MYO9B: variants seen among roughly 807,000 people sequenced by gnomAD.
MYO9B encodes myosin IXB.
Under a neutral mutation model 229.5 loss-of-function variants are expected in MYO9B, and 71 were observed. That is an observed-to-expected ratio of 0.31 (90% CI 0.26 to 0.38). MYO9B has a LOEUF of 0.38. Ranked by LOEUF, MYO9B falls within the 10% of genes least tolerant of loss-of-function variation. The pLI, the probability that MYO9B is intolerant of heterozygous loss-of-function variation, is 1.00. For missense variants in MYO9B, 2,255 were observed against 2,920.5 expected (o/e 0.77, Z 5.25); for synonymous variants, 1,185 against 1,235.8 (o/e 0.96, Z 0.86).
chr19:17,203,590 G>T (rs1304095087), intron 30 of MYO9B, among the ~76,000 whole-genome samples: 1 of 148,060 alleles, frequency 6.8e-6, no homozygotes, highest in Non-Finnish European at 1.5e-5. Context: ...CCTAACCTGG[G>T]CAACAGAGCA....
chr19:17,123,684 C>G (rs1397233637), intron 2 of MYO9B, among the ~76,000 whole-genome samples: 5 of 152,052 alleles, frequency 3.3e-5, no homozygotes, highest in African/African-American at 4.8e-5. Flanking sequence ...ACTGGGATTA[C>G]AGGCATGAGC....
intron 10 of MYO9B, among the ~76,000 whole-genome samples, chr19:17,166,463 A>G (rs1208125088): frequency 1.3e-5 from 2 of 151,184 alleles, no homozygotes; most frequent in African/African-American, 4.9e-5. Flanking sequence ...ATTCATATTG[A>G]TTTACTCATA....
At chr19:17,104,055 C>A (rs925689588) in intron 2 of MYO9B, among the ~76,000 whole-genome samples, 66 of 135,946 alleles carry the variant, frequency 4.9e-4, no homozygotes, top group Middle Eastern at 3.9e-3. Flanking sequence ...AACTCCATCT[C>A]AAAAAAAAAA....
chr19:17,113,141 G>A (rs2057865008), intron 2 of MYO9B, among the ~76,000 whole-genome samples: 1 of 152,240 alleles, frequency 6.6e-6, no homozygotes, highest in Non-Finnish European at 1.5e-5. Context: ...TTGTGTCTAT[G>A]TTACATGAAT....
chr19:17,178,026 C>T (rs944693943), intron 14 of MYO9B: 6 of 152,376 alleles, frequency 3.9e-5, no homozygotes, highest in Admixed American at 1.3e-4. Context: ...GCAAGGGCCA[C>T]TCCTGCCAGA....
intron 38 of MYO9B, among the ~76,000 whole-genome samples, chr19:17,211,290 G>T (rs2073225922): frequency 6.6e-6 from 1 of 151,918 alleles, no homozygotes; most frequent in South Asian, 2.1e-4. Flanking sequence ...CTTTATTTCT[G>T]AGACAGGGTC....
At chr19:17,140,692 T>C (rs1179948929) in intron 2 of MYO9B, among the ~76,000 whole-genome samples, 1 of 151,604 alleles carries the variant, frequency 6.6e-6, no homozygotes, top group East Asian at 2.0e-4. Context: ...TTCTCCATAT[T>C]GGTCAGGCTG....
chr19:17,113,787 G>A (rs1213797905), intron 2 of MYO9B, among the ~76,000 whole-genome samples: 1 of 152,166 alleles, frequency 6.6e-6, no homozygotes, highest in Non-Finnish European at 1.5e-5. Context: ...CCCAGAGGAG[G>A]AGATAGGAGC....
At chr19:17,185,634 G>A (rs891814395) in intron 17 of MYO9B, among the ~76,000 whole-genome samples, 11 of 152,116 alleles carry the variant, frequency 7.2e-5, no homozygotes, top group Middle Eastern at 3.4e-3. Flanking sequence ...TCCAGAAAGC[G>A]TTTGTCTGGT....
At chr19:17,164,665 A>C (rs2072639970) in intron 10 of MYO9B, among the ~76,000 whole-genome samples, 1 of 152,204 alleles carries the variant, frequency 6.6e-6, no homozygotes, top group South Asian at 2.1e-4. Context: ...TATAGGCGTG[A>C]GCCACCGCGC....
chr19:17,129,705 G>A (rs1218980287), intron 2 of MYO9B, among the ~76,000 whole-genome samples: 5 of 152,196 alleles, frequency 3.3e-5, no homozygotes, highest in Admixed American at 2.0e-4. Context: ...AGGGAGTCTC[G>A]AATCCCACAG....
chr19:17,139,816 C>T (rs866540380), intron 2 of MYO9B, among the ~76,000 whole-genome samples: 35 of 152,142 alleles, frequency 2.3e-4, no homozygotes, highest in African/African-American at 8.2e-4. Flanking sequence ...CCAAGGCAGG[C>T]GGATCACCTG....
intron 14 of MYO9B, chr19:17,180,661 A>C: frequency 2.9e-6 from 1 of 340,858 alleles, no homozygotes. Context: ...GAAATGATGT[A>C]TTGAAAAGGA....
At chr19:17,118,875 G>C (rs1244013404) in intron 2 of MYO9B, among the ~76,000 whole-genome samples, 1 of 152,168 alleles carries the variant, frequency 6.6e-6, no homozygotes, top group African/African-American at 2.4e-5. Context: ...TAATAAGATT[G>C]TCCTCCAAGG....
chr19:17,137,838 G>C (rs934710923), intron 2 of MYO9B, among the ~76,000 whole-genome samples: 12 of 151,692 alleles, frequency 7.9e-5, no homozygotes, highest in Admixed American at 6.6e-5. Flanking sequence ...CTCCTGGGCT[G>C]AAGCAATCCT....
rs775149763 is a variant in MYO9B, at chr19:17,102,314, C to T, written c.597C>T (p.Tyr199=). 6 of 1,614,054 alleles carry T rather than the reference C, an allele frequency of 3.7e-6. No homozygotes were observed. Among genetic ancestry groups the T allele is most frequent in the South Asian group, 2.2e-5 (2 of 91,090 alleles). The part of the protein sequence containing the change: ...FKFLPIYNPK[Y]VKMYENQQLG... ...TCCTGCCCATCTACAACCCCAAGTA[C>T]GTGAAGATGTATGAGAACCAGCAGC... The change falls in exon 2 of 40, where the codon TAC becomes TAT. Residue 199 remains tyrosine, a synonymous_variant. Transcript: ENST00000682292.
intron 1 of MYO9B, among the ~76,000 whole-genome samples, chr19:17,089,239 A>G (rs1016998798): frequency 6.6e-6 from 1 of 151,974 alleles, no homozygotes; most frequent in African/African-American, 2.4e-5. Context: ...GTGTGTGTCC[A>G]TCTTTCCCAT....
In MYO9B at chr19:17,185,904, T is replaced by G; in HGVS notation, c.2497-17T>G. 6.2e-7 allele frequency: 1 copy of G among 1,611,168 alleles called. No homozygotes were observed. Among genetic ancestry groups the G allele is most frequent in the Non-Finnish European group, 8.5e-7 (1 of 1,177,452 alleles). On this transcript the variant is annotated splice_polypyrimidine_tract_variant and intron_variant, in intron 17 of 39. Transcript: ENST00000682292. ...GGTCCCTGATTCAACCCAAATGCTT[T>G]CTCTTTCCCTTAACAGACATCCCTT...
chr19:17,188,488 T>C (rs1198199229), intron 19 of MYO9B, among the ~76,000 whole-genome samples: 4 of 151,126 alleles, frequency 2.6e-5, no homozygotes, highest in Non-Finnish European at 5.9e-5. Flanking sequence ...CTAGTACCTG[T>C]GTCACCCTGA....
Sources: allele counts gnomAD v4.1 joint callset (sites outside exome capture counted in the v4.1 genomes callset), GRCh38; gene constraint gnomAD v4.1.1; transcripts MANE v1.5; gene names NCBI Gene and HGNC (gene_info 2026-07-23, HGNC 2026-07-21).